The following TNIK variants were observed in gnomAD, a reference collection of about 807,000 sequenced individuals.
The protein encoded by TNIK is TRAF2 and NCK-interacting protein kinase.
Under a neutral mutation model 191.3 loss-of-function variants are expected in TNIK, and 49 were observed. The observed-to-expected ratio is 0.26, with a 90% CI of 0.20 to 0.32. TNIK has a LOEUF of 0.32. TNIK is among the 10% of genes least tolerant of loss of function. TNIK has a pLI of 1.00. For synonymous variants in TNIK, 594 were observed against 600.9 expected, an observed-to-expected ratio of 0.99 and a Z score of 0.17; for missense variants, 1,155 against 1,702.3, an observed-to-expected ratio of 0.68 and a Z score of 5.66.
At chr3:171,083,142 C>T (rs1576759445) in intron 26 of TNIK, among the ~76,000 whole-genome samples, 2 of 152,162 alleles carry the variant, frequency 1.3e-5, no homozygotes, top group South Asian at 4.1e-4. Context: ...CACCCCTCAA[C>T]ACACACACAC....
At chr3:171,213,527 GA>G (rs1206040846) in intron 3 of TNIK, among the ~76,000 whole-genome samples, 2 of 152,090 alleles carry the variant, frequency 1.3e-5, no homozygotes, top group African/African-American at 2.4e-5. Context: ...AAAGACAGGG[GA>G]GGGGGGGACT....
intron 12 of TNIK, among the ~76,000 whole-genome samples, chr3:171,142,088 C>CTGAG (rs766080575): frequency 4.6e-5 from 7 of 152,214 alleles, no homozygotes; most frequent in Non-Finnish European, 8.8e-5. Context: ...CCAATAACCT[C>CTGAG]TGAGTCTTGG....
intron 2 of TNIK, among the ~76,000 whole-genome samples, chr3:171,255,074 C>G (rs772116529): frequency 2.0e-5 from 3 of 152,208 alleles, no homozygotes; most frequent in Non-Finnish European, 2.9e-5. Flanking sequence ...ATCCTAGCCT[C>G]TTCCTCTAAT....
Position 171,381,470 on chromosome 3 carries a change from T to G in TNIK, c.58-11785A>C, listed in dbSNP as rs182540313. ...TTTGTATCTCCTCTAAGCACTGATA[T>G]TCTGCAGAGCATAGAATGGAAAATG... On this transcript the variant is annotated intron_variant, in intron 1 of 32. Coordinates refer to ENST00000436636, the MANE Select transcript of TNIK (RefSeq NM_015028.4). 2.7e-3 allele frequency among the ~76,000 whole-genome samples: 416 copies of G among 152,328 alleles called. 1 individual carries two copies. The highest frequency in any genetic ancestry group is 4.2e-3 in the Non-Finnish European group (287 of 68,032).
intron 22 of TNIK, among the ~76,000 whole-genome samples, chr3:171,094,594 C>T (rs565210306): frequency 2.0e-5 from 3 of 152,262 alleles, no homozygotes; most frequent in Non-Finnish European, 2.9e-5. Context: ...CCAGGCTCTG[C>T]ATGATCTCCC....
intron 3 of TNIK, 35 bp from the exon 4 acceptor site, chr3:171,211,276 A>G (rs370452218): frequency 3.9e-4 from 608 of 1,571,354 alleles, no homozygotes; most frequent in Non-Finnish European, 4.8e-4. Flanking sequence ...CTGTCATGAA[A>G]ATCTATGGTT....
chr3:171,433,899 T>G (rs1227656648), intron 1 of TNIK, among the ~76,000 whole-genome samples: 4 of 151,118 alleles, frequency 2.6e-5, no homozygotes, highest in Admixed American at 2.6e-4. Context: ...TATTTTACAC[T>G]TATTATTATT....
chr3:171,217,241 C>G (rs1409874311), intron 3 of TNIK, among the ~76,000 whole-genome samples: 1 of 152,108 alleles, frequency 6.6e-6, no homozygotes, highest in Non-Finnish European at 1.5e-5. Context: ...GAATCATGTC[C>G]TTTTCAGTAA....
chr3:171,384,523 T>C lies in TNIK; in HGVS notation c.58-14838A>G, dbSNP rs138213990. ...AATGCATATTAATGGTACCAAAGTA[T>C]TGATAAAATCTACCCAGCAGAGATA... is the stretch of plus-strand genomic sequence containing the variant. On this transcript the variant is annotated intron_variant, in intron 1 of 32. Transcript: ENST00000436636. Among the ~76,000 whole-genome samples, 569 of 152,310 alleles carry C rather than the reference T, an allele frequency of 3.7e-3. 3 individuals carry two copies. The highest frequency in any genetic ancestry group is 0.013 in the African/African-American group (556 of 41,574).
chr3:171,241,957 T>A (rs780668745), intron 2 of TNIK, among the ~76,000 whole-genome samples: 1 of 151,596 alleles, frequency 6.6e-6, no homozygotes, highest in Non-Finnish European at 1.5e-5. Context: ...CAGGTGGGAA[T>A]TGAACAATGA....
intron 2 of TNIK, among the ~76,000 whole-genome samples, chr3:171,346,720 C>T (rs1489332514): frequency 2.7e-5 from 1 of 37,634 alleles, no homozygotes; most frequent in African/African-American, 1.5e-4. Context: ...AGGAGAAGAA[C>T]ATTCCAGGAG....
chr3:171,192,500 G>T (rs1283138154), intron 5 of TNIK, among the ~76,000 whole-genome samples: 1 of 152,192 alleles, frequency 6.6e-6, no homozygotes. Flanking sequence ...ACTGGAAAAA[G>T]GAGGAAAGCC....
intron 1 of TNIK, among the ~76,000 whole-genome samples, chr3:171,432,806 A>T (rs1725536741): frequency 6.6e-6 from 1 of 152,178 alleles, no homozygotes; most frequent in Non-Finnish European, 1.5e-5. Context: ...GTGAATAAAA[A>T]CTCAAAATAA....
At chr3:171,361,864 ATGAAAACTGTTTCTTTATAT>A (rs1170421357) in intron 2 of TNIK, among the ~76,000 whole-genome samples, 1 of 152,150 alleles carries the variant, frequency 6.6e-6, no homozygotes, top group African/African-American at 2.4e-5. Flanking sequence ...GGGTTATATC[ATGAAAACTGTTTCTTTATAT>A]TCTAATTTTA....
At chr3:171,067,659 G>A (rs968480155) in intron 30 of TNIK, among the ~76,000 whole-genome samples, 1 of 145,174 alleles carries the variant, frequency 6.9e-6, no homozygotes, top group Non-Finnish European at 1.5e-5. Flanking sequence ...GTGACAGAGC[G>A]AGACTCCGTA....
At chr3:171,138,147 T>G in intron 15 of TNIK, 44 bp downstream of exon 15, 5 of 1,496,846 alleles carry the variant, frequency 3.3e-6, no homozygotes, top group Non-Finnish European at 4.4e-6. Flanking sequence ...CTCATTAGAG[T>G]CAAAAGCCTG....
chr3:171,153,310 T>C (rs1044937653), intron 12 of TNIK, among the ~76,000 whole-genome samples: 2 of 152,142 alleles, frequency 1.3e-5, no homozygotes, highest in African/African-American at 2.4e-5. Flanking sequence ...GCCTACACTC[T>C]CTTCTCATGT....
chr3:171,402,183 AAG>A (rs1721031993), intron 1 of TNIK, among the ~76,000 whole-genome samples: 3 of 152,244 alleles, frequency 2.0e-5, no homozygotes, highest in African/African-American at 7.2e-5. Context: ...CAAAAGACTT[AAG>A]AAATTGAATG....
chr3:171,263,213 G>A (rs1483520138), intron 2 of TNIK, among the ~76,000 whole-genome samples: 1 of 152,152 alleles, frequency 6.6e-6, no homozygotes, highest in Non-Finnish European at 1.5e-5. Flanking sequence ...TGCTATTTTA[G>A]TTAGTAGAGC....
Sources: gnomAD v4.1 joint callset for allele counts (sites outside exome capture counted in the v4.1 genomes callset) on GRCh38, gnomAD v4.1.1 for gene constraint, MANE v1.5 for transcripts, NCBI Gene and HGNC (gene_info 2026-07-23, HGNC 2026-07-21) for gene names.